TTC39A: variants seen among roughly 807,000 people sequenced by gnomAD.
TTC39A encodes tetratricopeptide repeat domain 39A.
A neutral mutation model predicts 82.3 loss-of-function variants in TTC39A; 46 were observed. The observed-to-expected ratio is 0.56, with a 90% CI of 0.44 to 0.71. The LOEUF (loss-of-function observed/expected upper bound fraction) is 0.71. Among genes scored for constraint, TTC39A ranks in the 30% least tolerant of loss-of-function variants. The pLI is 0.00. For synonymous variants in TTC39A, 254 were observed against 275.2 expected, an observed-to-expected ratio of 0.92 and a Z score of 0.76; for missense variants, 543 against 712.9, an observed-to-expected ratio of 0.76 and a Z score of 2.71.
intron 1 of TTC39A, among the ~76,000 whole-genome samples, chr1:51,329,090 C>T (rs535117471): frequency 1.1e-4 from 17 of 152,358 alleles, no homozygotes; most frequent in African/African-American, 3.1e-4. Flanking sequence ...CTGAGGCCTG[C>T]AGCAGGGCCA....
intron 13 of TTC39A, chr1:51,295,476 C>T (rs553276529): frequency 6.5e-6 from 1 of 154,776 alleles, no homozygotes. Context: ...AGGAAGCAAA[C>T]ACGGTGGTAC....
At chr1:51,322,885 C>G (rs1027328981) in intron 1 of TTC39A, among the ~76,000 whole-genome samples, 2 of 152,218 alleles carry the variant, frequency 1.3e-5, no homozygotes, top group Non-Finnish European at 2.9e-5. Flanking sequence ...GGGCCCAGCT[C>G]TAAAGTCTCC....
intron 3 of TTC39A, 138 bp downstream of exon 3, chr1:51,312,674 C>T (rs1239901620): frequency 2.3e-6 from 3 of 1,295,708 alleles, no homozygotes; most frequent in Non-Finnish European, 3.2e-6. Flanking sequence ...CCAACAGGGA[C>T]AGCTCTTAGC....
chr1:51,335,971 C>T (rs997445747), upstream of TTC39A, among the ~76,000 whole-genome samples: 1 of 152,144 alleles, frequency 6.6e-6, no homozygotes. Flanking sequence ...CTCCTTCCCC[C>T]TTCTCAGCAC....
In TTC39A at chr1:51,294,082, G is replaced by C. The variant is rs1177286253; in HGVS notation, c.1266+309C>G. On this transcript the variant is annotated intron_variant, in intron 14 of 17. Coordinates refer to ENST00000680483, the MANE Select transcript of TTC39A (RefSeq NM_001297663.2). The surrounding 1 kb of genome is among the most constrained non-coding windows in gnomAD (Gnocchi z 4.3). ...TAATCATTGTGACAAGACTGGAGCA[G>C]ACAGGCTGGGATCACTGGCAGCCGG... Among the ~76,000 whole-genome samples the C allele has an allele frequency of 6.6e-6, 1 of 152,244 alleles. No homozygotes were observed. The highest frequency in any genetic ancestry group is 1.5e-5 in the Non-Finnish European group (1 of 68,042).
At chr1:51,291,320 A>G (rs567711783) in intron 14 of TTC39A, among the ~76,000 whole-genome samples, 47 of 152,022 alleles carry the variant, frequency 3.1e-4, no homozygotes, top group Admixed American at 1.1e-3. Context: ...GTGAAACCCC[A>G]TCTCTACTAA....
intron 5 of TTC39A, among the ~76,000 whole-genome samples, chr1:51,310,889 A>G (rs1422855568): frequency 1.3e-5 from 2 of 152,252 alleles, no homozygotes; most frequent in African/African-American, 2.4e-5. Context: ...ACCGTGTGCA[A>G]AAAGTCTGGT....
At chr1:51,317,943 GT>G (rs1160649953) in intron 2 of TTC39A, among the ~76,000 whole-genome samples, 3 of 152,160 alleles carry the variant, frequency 2.0e-5, no homozygotes, top group African/African-American at 7.2e-5. Flanking sequence ...CAGGACTCCT[GT>G]TAGAATGCCC....
chr1:51,301,832 C>A (rs541965817), intron 11 of TTC39A, 99 bp from the exon 12 acceptor site: 3 of 1,507,276 alleles, frequency 2.0e-6, no homozygotes, highest in African/African-American at 2.7e-5. Context: ...GGGACTCCTC[C>A]AGGGCATAGT....
chr1:51,341,551 A>G (rs755015691), intron 1 of TTC39A, among the ~76,000 whole-genome samples: 39 of 152,168 alleles, frequency 2.6e-4, no homozygotes, highest in Non-Finnish European at 5.3e-4. Flanking sequence ...TGATAGTGGG[A>G]CAAAGGTTGC....
intron 2 of TTC39A, 125 bp from the exon 3 acceptor site, chr1:51,313,068 G>A (rs1169958595): frequency 8.3e-6 from 11 of 1,325,546 alleles, no homozygotes; most frequent in East Asian, 2.4e-5. Context: ...GTCCAGGCAC[G>A]GGGAGGGCCT....
rs1644044372 is a variant in TTC39A, at chr1:51,287,766, T to A, written c.*391A>T. 1 of 173,566 alleles carries A rather than the reference T, an allele frequency of 5.8e-6. No homozygotes were observed. Among genetic ancestry groups the A allele is most frequent in the Non-Finnish European group, 1.3e-5 (1 of 79,808 alleles). The allele number at this position is 173,566 out of a possible 1,614,324, so 10.8% of individuals were successfully genotyped here. On this transcript the variant is annotated 3_prime_UTR_variant, in exon 18 of 18. Transcript: ENST00000680483. ...CTTTGGCATCATCATATAAAGAGAT[T>A]TACCTCCAGATGATAATAGGTGAAG...
At chr1:51,320,416 C>CTTTTTTTTTTTTTTTTTTT (rs57261779) in intron 2 of TTC39A, among the ~76,000 whole-genome samples, 31 of 79,400 alleles carry the variant, frequency 3.9e-4, no homozygotes, top group East Asian at 6.5e-4. Flanking sequence ...TTTTCTTTTT[C>CTTTTTTTTTTTTTTTTTTT]TTTTTTTTTT....
In TTC39A at chr1:51,302,340, G is replaced by T; in HGVS notation, c.891+17C>A. On this transcript the variant is annotated intron_variant, in intron 11 of 17. Coordinates refer to ENST00000680483, the MANE Select transcript of TTC39A (RefSeq NM_001297663.2). ...CCCGAGGGATCCCCAGCCCCGGCCC[G>T]GACCCCCATCACTCACTGCATCAAT... 1 of 1,584,806 alleles carries T rather than the reference G, an allele frequency of 6.3e-7. No individual in the cohort carries two copies. The highest frequency in any genetic ancestry group is 8.6e-7 in the Non-Finnish European group (1 of 1,165,816).
chr1:51,319,977 A>G (rs939909577), intron 2 of TTC39A, among the ~76,000 whole-genome samples: 4 of 152,196 alleles, frequency 2.6e-5, no homozygotes, highest in Non-Finnish European at 5.9e-5. Flanking sequence ...GGCATGAGCC[A>G]CTGCGCCCAG....
intron 2 of TTC39A, among the ~76,000 whole-genome samples, chr1:51,317,368 T>C (rs532014001): frequency 1.3e-5 from 2 of 152,214 alleles, no homozygotes; most frequent in Non-Finnish European, 2.9e-5. Flanking sequence ...TGAGGACATG[T>C]GGCAATTTCT....
At position 51,337,424 on chromosome 1, in the gene TTC39A, A is replaced by ATT. The variant is rs1017474435; in HGVS notation, c.53+7565_53+7566dup. Among the ~76,000 whole-genome samples the ATT allele has an allele frequency of 1.4e-3, 183 of 132,094 alleles. 5 individuals carry two copies. Among genetic ancestry groups the ATT allele is most frequent in the African/African-American group, 3.3e-3 (114 of 34,942 alleles). 86.7% of individuals were successfully genotyped at this position (132,094 alleles called of 152,430 possible). On this transcript the variant is annotated intron_variant, in intron 1 of 5. Transcript: ENST00000401051. Reference sequence around the variant, plus strand: ...AGGCCTTCCCTGACTATTCTGTTTAATTTTTTTTTTTTTTTTTTTTGAGAT... The same window carrying ATT: ...AGGCCTTCCCTGACTATTCTGTTTAATTTTTTTTTTTTTTTTTTTTTTGAGAT...
chr1:51,305,348 C>A (rs1644830012), intron 7 of TTC39A, among the ~76,000 whole-genome samples: 1 of 152,142 alleles, frequency 6.6e-6, no homozygotes, highest in South Asian at 2.1e-4. Context: ...TGGGCAGGTG[C>A]CAGGAAGCCT....
At position 51,290,185 on chromosome 1, in the gene TTC39A, C is replaced by A. The variant is rs937939319; in HGVS notation, c.1379-66G>T. Reference sequence around the variant, plus strand: ...TTTCTGCAGCAGTTACTTATGGAGCCCCCTACTTTGTGCTAGGTCAAAGGG... The same window carrying A: ...TTTCTGCAGCAGTTACTTATGGAGCACCCTACTTTGTGCTAGGTCAAAGGG... On this transcript the variant is annotated intron_variant, in intron 15 of 17. Transcript: ENST00000680483. 41 of 1,467,464 alleles carry A rather than the reference C, an allele frequency of 2.8e-5. No homozygotes were observed. The Middle Eastern group carries it at 1.0e-3, about 37-fold the overall frequency. 90.9% of individuals were successfully genotyped at this position (1,467,464 alleles called of 1,614,324 possible). A position where few individuals can be genotyped will look rare whatever the true frequency, so the allele number is the denominator to read the frequency against.
Sources: allele counts gnomAD v4.1 joint callset (sites outside exome capture counted in the v4.1 genomes callset), GRCh38; gene constraint gnomAD v4.1.1; non-coding constraint Gnocchi (gnomAD v3.1); transcripts MANE v1.5; gene names NCBI Gene and HGNC (gene_info 2026-07-23, HGNC 2026-07-21).